The following KCNV2 variants were observed in gnomAD, a reference collection of about 807,000 sequenced individuals.
KCNV2 encodes potassium voltage-gated channel modifier subfamily V member 2, also known as potassium voltage-gated channel subfamily V member 2.
KCNV2 carries 65 observed loss-of-function variants against 37.0 expected under a neutral mutation model. The ratio of observed to expected loss-of-function variants is 1.76; its 90% CI spans 1.44 to 2.16. KCNV2 has a LOEUF of 2.16. KCNV2 is among the 30% of genes most tolerant of loss of function. The pLI, the probability that KCNV2 is intolerant of heterozygous loss-of-function variation, is 0.00. For synonymous variants in KCNV2, 518 were observed against 328.6 expected (o/e 1.58, Z -6.23); for missense variants, 1,232 against 766.7 (o/e 1.61, Z -7.17).
At chr9:2,726,604 C>T (rs952077054) in intron 1 of KCNV2, among the ~76,000 whole-genome samples, 15 of 152,278 alleles carry the variant, frequency 9.9e-5, no homozygotes, top group African/African-American at 3.4e-4. Context: ...TTCCTACTCT[C>T]TCCCATCCCC....
rs1431775428 is a variant in KCNV2, at chr9:2,722,556, AATAAATTAGAAGTTATTTATTT to A, written c.1356+3490_1356+3511del. Reference sequence around the variant, plus strand: ...ATAAATAAATTAGAAGTTATTTATAAATAAATTAGAAGTTATTTATTTATAAATTAGAAGTTATTTATTTATA... The same window carrying A: ...ATAAATAAATTAGAAGTTATTTATAAATAAATTAGAAGTTATTTATTTATA... On this transcript the variant is annotated intron_variant, in intron 1 of 1. Coordinates refer to ENST00000382082, the MANE Select transcript of KCNV2 (RefSeq NM_133497.4). Among the ~76,000 whole-genome samples, 671 of 137,508 alleles carry A rather than the reference AATAAATTAGAAGTTATTTATTT, an allele frequency of 4.9e-3. 12 individuals carry two copies. Among genetic ancestry groups the A allele is most frequent in the Non-Finnish European group, 7.2e-3 (482 of 66,558 alleles). The allele number at this position is 137,508 out of a possible 152,430, so 90.2% of individuals were successfully genotyped here.
Position 2,718,377 on chromosome 9 carries a change from G to C in KCNV2, c.638G>C (p.Arg213Pro), listed in dbSNP as rs776807664. 1.2e-4 allele frequency: 185 copies of C among 1,599,790 alleles called. No individual in the cohort carries two copies. The highest frequency in any genetic ancestry group is 1.4e-4 in the Non-Finnish European group (169 of 1,174,596). ...FEERRDELSERLKIQHELRAQ... is the reference protein window; with the variant it reads ...FEERRDELSEPLKIQHELRAQ... ...GAGCGGCGCGACGAGCTGAGCGAAC[G>C]GCTCAAGATCCAGCACGAGCTGCGC... Residue 213 changes from arginine to proline, a missense_variant, in exon 1 of 2, where the codon CGG becomes CCG. Coordinates refer to ENST00000382082, the MANE Select transcript of KCNV2 (RefSeq NM_133497.4).
At chr9:2,728,134 C>T (rs1819997082) in intron 1 of KCNV2, among the ~76,000 whole-genome samples, 1 of 152,144 alleles carries the variant, frequency 6.6e-6, no homozygotes, top group South Asian at 2.1e-4. Flanking sequence ...CCATTTCATT[C>T]TAATCAGTCA....
chr9:2,726,255 C>G (rs1003874654), intron 1 of KCNV2, among the ~76,000 whole-genome samples: 2 of 152,176 alleles, frequency 1.3e-5, no homozygotes, highest in Non-Finnish European at 2.9e-5. Context: ...GAACAAGAAA[C>G]AGATCACTTG....
chr9:2,728,480 T>G (rs1348349496), intron 1 of KCNV2, among the ~76,000 whole-genome samples: 1 of 152,208 alleles, frequency 6.6e-6, no homozygotes, highest in Non-Finnish European at 1.5e-5. Context: ...AACTGATAAC[T>G]AGTCCCATGG....
chr9:2,718,240 C>A lies in KCNV2; in HGVS notation c.501C>A (p.Ser167=). The part of the protein sequence containing the change: ...VFQLVYNFYL[S]GVLLVLDGLC... ...AGCTGGTCTACAATTTCTACCTGTC[C>A]GGGGTGCTGCTGGTGCTCGACGGGC... is the stretch of plus-strand genomic sequence containing the variant. Residue 167 remains serine, a synonymous_variant, in exon 1 of 2, where the codon TCC becomes TCA. Coordinates refer to ENST00000382082, the MANE Select transcript of KCNV2 (RefSeq NM_133497.4). 6.2e-7 allele frequency: 1 copy of A among 1,613,366 alleles called. No homozygotes were observed. Among genetic ancestry groups the A allele is most frequent in the Non-Finnish European group, 8.5e-7 (1 of 1,179,938 alleles).
chr9:2,719,242 G>T, intron 1 of KCNV2, 147 bp downstream of exon 1: 1 of 825,424 alleles, frequency 1.2e-6, no homozygotes, highest in Admixed American at 2.2e-5. Context: ...TAACAAAACG[G>T]CGATGGATGT....
At chr9:2,728,253 T>C (rs530237842) in intron 1 of KCNV2, among the ~76,000 whole-genome samples, 14 of 152,306 alleles carry the variant, frequency 9.2e-5, no homozygotes, top group African/African-American at 3.1e-4. Flanking sequence ...ACCATATGCT[T>C]TACTGCCGTC....
Position 2,729,936 on chromosome 9 carries a change from C to A in KCNV2, c.*209C>A. ...CTCTGTGTTGTGTGAAACATCTGAC[C>A]TTCTCAATGACGTTGATATTGAAAA... On this transcript the variant is annotated 3_prime_UTR_variant, in exon 2 of 2. Coordinates refer to ENST00000382082, the MANE Select transcript of KCNV2 (RefSeq NM_133497.4). 1.7e-6 allele frequency: 1 copy of A among 586,702 alleles called. No homozygotes were observed. Among genetic ancestry groups the A allele is most frequent in the South Asian group, 2.2e-5 (1 of 46,266 alleles). 36.3% of individuals were successfully genotyped at this position (586,702 alleles called of 1,614,324 possible).
chr9:2,724,021 TG>T (rs964471778), intron 1 of KCNV2, among the ~76,000 whole-genome samples: 1 of 151,538 alleles, frequency 6.6e-6, no homozygotes, highest in African/African-American at 2.4e-5. Flanking sequence ...ATTTTTTTTT[TG>T]CCGGGGGTTG....
At chr9:2,727,349 G>A (rs1819985243) in intron 1 of KCNV2, among the ~76,000 whole-genome samples, 1 of 151,892 alleles carries the variant, frequency 6.6e-6, no homozygotes, top group African/African-American at 2.4e-5. Flanking sequence ...CAAGTTACTG[G>A]GTGCAGCACA....
chr9:2,718,916 C>T lies in KCNV2; in HGVS notation c.1177C>T (p.His393Tyr). Residue 393 changes from histidine to tyrosine, a missense_variant, in exon 1 of 2, where the codon CAC becomes TAC. His to Tyr is a moderately conservative substitution (Grantham distance 83, BLOSUM62 2). Coordinates refer to ENST00000382082, the MANE Select transcript of KCNV2 (RefSeq NM_133497.4). ...CTTCCGCATCCTCAAGCTGGCGCGC[C>T]ACTCCACCGGACTGCGTGCCTTCGG... is the stretch of plus-strand genomic sequence containing the variant. ...RIFRILKLAR[H>Y]STGLRAFGFT... is the part of the protein sequence containing the mutation. 6.2e-7 allele frequency: 1 copy of T among 1,609,168 alleles called. No homozygotes were observed. The highest frequency in any genetic ancestry group is 8.5e-7 in the Non-Finnish European group (1 of 1,180,000).
chr9:2,727,047 A>G (rs1330538775), intron 1 of KCNV2, among the ~76,000 whole-genome samples: 1 of 151,552 alleles, frequency 6.6e-6, no homozygotes, highest in African/African-American at 2.4e-5. Context: ...GTTCTAAACT[A>G]CCCCTTCCTG....
chr9:2,717,629 CCTCT>C lies in KCNV2; in HGVS notation c.-108_-105del, dbSNP rs1393651201. On this transcript the variant is annotated 5_prime_UTR_variant, in exon 1 of 2. It removes the in-frame stop codon of an upstream open reading frame in the 5' UTR. Transcript: ENST00000382082. ...CCCTAGCTGTGCTGGTCCGGGCTGG[CCTCT>C]CTAAGACAGTGCAGGCCACGTGATC... 5.5e-5 allele frequency: 78 copies of C among 1,415,296 alleles called. No individual in the cohort carries two copies. The highest frequency in any genetic ancestry group is 4.8e-4 in the African/African-American group (34 of 71,316). The allele number at this position is 1,415,296 out of a possible 1,614,324, so 87.7% of individuals were successfully genotyped here.
chr9:2,729,679 G>C lies in KCNV2; in HGVS notation c.1590G>C (p.Glu530Asp). Residue 530 changes from glutamate (E) to aspartate (D), a missense_variant, in exon 2 of 2, where the codon GAG becomes GAC. By Grantham distance (45) the Glu-to-Asp change is conservative. Coordinates refer to ENST00000382082, the MANE Select transcript of KCNV2 (RefSeq NM_133497.4). ...FMQRARKKIAECLLGSNPQLT... is the reference protein window; with the variant it reads ...FMQRARKKIADCLLGSNPQLT... ...AGAGAGCCAGAAAGAAGATAGCTGA[G>C]TGTTTGCTTGGAAGCAACCCACAGC... 1 of 1,614,122 alleles carries C rather than the reference G, an allele frequency of 6.2e-7. No individual in the cohort carries two copies. The highest frequency in any genetic ancestry group is 8.5e-7 in the Non-Finnish European group (1 of 1,179,994).
In KCNV2 at chr9:2,717,688, G is replaced by A. The variant is rs1428774698; in HGVS notation, c.-52G>A. On this transcript the variant is annotated 5_prime_UTR_variant, in exon 1 of 2. Coordinates refer to ENST00000382082, the MANE Select transcript of KCNV2 (RefSeq NM_133497.4). ...CTCCTAGAGGCAGTGAGCAGGTGAG[G>A]GACCCCTACCACAGCCAGGAGGAAA... The A allele has an allele frequency of 6.2e-6, 10 of 1,612,278 alleles. No homozygotes were observed. The highest frequency in any genetic ancestry group is 1.3e-5 in the African/African-American group (1 of 74,902).
At position 2,729,641 on chromosome 9, in the gene KCNV2, G is replaced by C; in HGVS notation, c.1552G>C (p.Val518Leu). ...CACCATACGCAGGGAGAGGGGAGAGGTGAACTTCATGCAGAGAGCCAGAAA... is the reference window on the plus strand; with the variant it reads ...CACCATACGCAGGGAGAGGGGAGAGCTGAACTTCATGCAGAGAGCCAGAAA... ...YTTIRRERGEVNFMQRARKKI... is the reference protein window; with the variant it reads ...YTTIRRERGELNFMQRARKKI... Residue 518 changes from valine (V) to leucine (L), a missense_variant, in exon 2 of 2, where the codon GTG becomes CTG. Coordinates refer to ENST00000382082, the MANE Select transcript of KCNV2 (RefSeq NM_133497.4). 1.2e-6 allele frequency: 2 copies of C among 1,614,092 alleles called. No homozygotes were observed. Among genetic ancestry groups the C allele is most frequent in the Non-Finnish European group, 8.5e-7 (1 of 1,180,010 alleles).
chr9:2,729,121 C>T (rs900843503), intron 1 of KCNV2, among the ~76,000 whole-genome samples: 3 of 152,152 alleles, frequency 2.0e-5, no homozygotes, highest in African/African-American at 7.2e-5. Flanking sequence ...ACATCAGGTA[C>T]TTAACATACT....
chr9:2,718,018 G>A lies in KCNV2; in HGVS notation c.279G>A (p.Pro93=), dbSNP rs573981437. The change falls in exon 1 of 2, where the codon CCG becomes CCA. Residue 93 remains proline, a synonymous_variant. Coordinates refer to ENST00000382082, the MANE Select transcript of KCNV2 (RefSeq NM_133497.4). The part of the protein sequence containing the change: ...TAKPEGPSDP[P]ALLSTLNVNV... ...AGCCCGAGGGCCCCAGCGACCCTCC[G>A]GCCCTGCTGTCCACGCTGAATGTGA... The A allele has an allele frequency of 7.4e-6, 12 of 1,613,122 alleles. No homozygotes were observed. The highest frequency in any genetic ancestry group is 6.7e-5 in the East Asian group (3 of 44,822).
Sources: allele counts gnomAD v4.1 joint callset (sites outside exome capture counted in the v4.1 genomes callset), GRCh38; gene constraint gnomAD v4.1.1; transcripts MANE v1.5; gene names NCBI Gene and HGNC (gene_info 2026-07-23, HGNC 2026-07-21).